The following WWTR1 variants were observed in gnomAD, a reference collection of about 807,000 sequenced individuals.
WWTR1 encodes WW domain-containing transcription regulator protein 1.
In WWTR1, 13 loss-of-function variants were observed where a neutral mutation model predicts 40.1. The observed-to-expected ratio is 0.32, with a 90% CI of 0.21 to 0.52. The LOEUF (loss-of-function observed/expected upper bound fraction) is 0.52, where lower values mean the gene tolerates loss of function less well. WWTR1 is among the 20% of genes least tolerant of loss of function. The pLI, the probability that WWTR1 is intolerant of heterozygous loss-of-function variation, is 0.97. For missense variants in WWTR1, 436 were observed against 523.1 expected, an observed-to-expected ratio of 0.83 and a Z score of 1.63; for synonymous variants, 230 against 210.1, an observed-to-expected ratio of 1.09 and a Z score of -0.82.
At chr3:149,537,811 C>T (rs902703540) in intron 4 of WWTR1, among the ~76,000 whole-genome samples, 12 of 152,190 alleles carry the variant, frequency 7.9e-5, no homozygotes, top group Admixed American at 7.8e-4. Flanking sequence ...CAGAACGTCA[C>T]ATAAATGGAA....
At chr3:149,678,646 C>A (rs1163252155) in intron 1 of WWTR1, among the ~76,000 whole-genome samples, 1 of 152,042 alleles carries the variant, frequency 6.6e-6, no homozygotes, top group Non-Finnish European at 1.5e-5. Context: ...CTTTATGTAC[C>A]AGCTGCCAGT....
chr3:149,698,072 T>TGCAGCCCATG (rs1252745124), intron 1 of WWTR1, among the ~76,000 whole-genome samples: 41 of 152,258 alleles, frequency 2.7e-4, no homozygotes, highest in African/African-American at 8.9e-4. Flanking sequence ...CAGGTTGGAG[T>TGCAGCCCATG]TGAGTACTTG....
intron 3 of WWTR1, among the ~76,000 whole-genome samples, chr3:149,568,497 T>A (rs1737440835): frequency 8.9e-6 from 1 of 111,892 alleles, no homozygotes; most frequent in Non-Finnish European, 1.7e-5. Flanking sequence ...TAGACGAAAC[T>A]GGAGATGGCT....
intron 5 of WWTR1, among the ~76,000 whole-genome samples, chr3:149,711,940 C>T (rs1027675572): frequency 1.3e-5 from 2 of 152,090 alleles, no homozygotes; most frequent in Admixed American, 6.5e-5. Flanking sequence ...TTGTTACTTA[C>T]CTCTAGTTAT....
intron 3 of WWTR1, among the ~76,000 whole-genome samples, chr3:149,560,519 T>C (rs984246576): frequency 6.6e-6 from 1 of 152,226 alleles, no homozygotes; most frequent in African/African-American, 2.4e-5. Context: ...CCATTCTAAT[T>C]AATTCAGGCA....
intron 3 of WWTR1, among the ~76,000 whole-genome samples, chr3:149,555,009 G>A (rs1366390689): frequency 5.9e-5 from 9 of 152,198 alleles, no homozygotes. Context: ...TATCCAGCAG[G>A]AAATGGAAAC....
chr3:149,645,979 G>A (rs1712504493), intron 2 of WWTR1, among the ~76,000 whole-genome samples: 1 of 152,202 alleles, frequency 6.6e-6, no homozygotes, highest in East Asian at 1.9e-4. Flanking sequence ...ATGAGTTACT[G>A]TAGAAGCCAC....
chr3:149,558,998 A>G (rs1393826300), intron 3 of WWTR1, among the ~76,000 whole-genome samples: 1 of 152,184 alleles, frequency 6.6e-6, no homozygotes, highest in African/African-American at 2.4e-5. Context: ...CTGTGCTTAT[A>G]TAAGAAAATG....
At position 149,609,024 on chromosome 3, in the gene WWTR1, A is replaced by T. The variant is rs1739612026; in HGVS notation, c.432-36024T>A. Among the ~76,000 whole-genome samples, 3 of 152,308 alleles carry T rather than the reference A, an allele frequency of 2.0e-5. No individual in the cohort carries two copies. The South Asian group carries it at 6.2e-4, about 32-fold the overall frequency. The stretch of plus-strand genomic sequence containing the variant: ...GTAGAGGTAGCAGTGAGCCCTGATC[A>T]CACCATTGCCCTCCTGCCTGGGTAG... On this transcript the variant is annotated intron_variant, in intron 2 of 6. Coordinates refer to ENST00000360632, the MANE Select transcript of WWTR1 (RefSeq NM_015472.6).
intron 2 of WWTR1, among the ~76,000 whole-genome samples, chr3:149,618,381 C>T (rs761639580): frequency 2.0e-5 from 3 of 152,150 alleles, no homozygotes; most frequent in Non-Finnish European, 4.4e-5. Context: ...CAACATCTCT[C>T]GAGCATCCAT....
At chr3:149,566,618 T>C (rs1737339845) in intron 3 of WWTR1, among the ~76,000 whole-genome samples, 1 of 152,218 alleles carries the variant, frequency 6.6e-6, no homozygotes, top group South Asian at 2.1e-4. Flanking sequence ...GAAATCTGAC[T>C]TCTAGTGAAC....
intron 2 of WWTR1, among the ~76,000 whole-genome samples, chr3:149,592,333 T>C (rs562752346): frequency 6.6e-6 from 1 of 152,322 alleles, no homozygotes; most frequent in South Asian, 2.1e-4. Context: ...ATATACTATT[T>C]ATGGTATTTA....
At chr3:149,535,902 A>G (rs1735810140) in intron 4 of WWTR1, among the ~76,000 whole-genome samples, 1 of 152,216 alleles carries the variant, frequency 6.6e-6, no homozygotes, top group South Asian at 2.1e-4. Flanking sequence ...AATCCCAGCT[A>G]CTCAGGAGGC....
chr3:149,601,866 T>G (rs1191713873), intron 2 of WWTR1, among the ~76,000 whole-genome samples: 1 of 152,166 alleles, frequency 6.6e-6, no homozygotes, highest in Non-Finnish European at 1.5e-5. Flanking sequence ...CATGTAATCA[T>G]ATGGTACAGA....
intron 2 of WWTR1, among the ~76,000 whole-genome samples, chr3:149,587,816 G>GA (rs1482063249): frequency 1.6e-4 from 24 of 151,964 alleles, no homozygotes; most frequent in African/African-American, 4.8e-4. Context: ...ATAAACAAAA[G>GA]AAAAAATGCA....
chr3:149,668,395 T>C (rs369137562), intron 2 of WWTR1, among the ~76,000 whole-genome samples: 6 of 151,856 alleles, frequency 4.0e-5, no homozygotes, highest in African/African-American at 1.5e-4. Context: ...TCACCTGAGG[T>C]CAGGAGTTTG....
intron 2 of WWTR1, among the ~76,000 whole-genome samples, chr3:149,603,834 G>A (rs1739366452): frequency 7.3e-6 from 1 of 137,302 alleles, no homozygotes; most frequent in Non-Finnish European, 1.6e-5. Flanking sequence ...TCCTCTACTG[G>A]TGCTACATAA....
At chr3:149,690,473 T>C (rs1014012929) in intron 1 of WWTR1, among the ~76,000 whole-genome samples, 2 of 152,066 alleles carry the variant, frequency 1.3e-5, no homozygotes, top group Admixed American at 6.6e-5. Context: ...TAGCTATACT[T>C]AGACAAAATA....
chr3:149,722,539 G>C (rs1434546962), intron 4 of WWTR1, among the ~76,000 whole-genome samples: 3 of 151,680 alleles, frequency 2.0e-5, no homozygotes, highest in African/African-American at 7.3e-5. Flanking sequence ...AGAGTGTGTT[G>C]GTTAATTTCC....
Sources: gnomAD v4.1 joint callset for allele counts (sites outside exome capture counted in the v4.1 genomes callset) on GRCh38, gnomAD v4.1.1 for gene constraint, MANE v1.5 for transcripts, NCBI Gene and HGNC (gene_info 2026-07-23, HGNC 2026-07-21) for gene names.